MIR2052HG: variants seen among roughly 807,000 people sequenced by gnomAD.
MIR2052HG encodes the protein MIR2052 host gene.
intron 2 of MIR2052HG, among the ~76,000 whole-genome samples, chr8:74,616,628 A>G (rs1808285996): frequency 6.6e-6 from 1 of 152,046 alleles, no homozygotes; most frequent in Non-Finnish European, 1.5e-5. Context: ...ATAATCTGAC[A>G]GCAATTGTAT....
chr8:74,719,199 A>G (rs921478165), intron 4 of MIR2052HG, among the ~76,000 whole-genome samples: 2 of 151,696 alleles, frequency 1.3e-5, no homozygotes, highest in African/African-American at 2.4e-5. Context: ...CCTATCTGCT[A>G]TGTTCAGGGT....
At chr8:74,649,572 A>G (rs1401011161) in intron 2 of MIR2052HG, among the ~76,000 whole-genome samples, 1 of 152,032 alleles carries the variant, frequency 6.6e-6, no homozygotes, top group Non-Finnish European at 1.5e-5. Context: ...GTTCTTAGGC[A>G]CTCTGATTAT....
At chr8:74,632,753 C>T (rs1808531419) in intron 2 of MIR2052HG, among the ~76,000 whole-genome samples, 1 of 152,130 alleles carries the variant, frequency 6.6e-6, no homozygotes, top group Admixed American at 6.6e-5. Context: ...AGATAATTAT[C>T]ATGGGAACTG....
chr8:74,705,136 C>T (rs1177583769), intron 4 of MIR2052HG, among the ~76,000 whole-genome samples: 1 of 151,706 alleles, frequency 6.6e-6, no homozygotes. Context: ...TGATTGACTA[C>T]TGTTAATGTC....
intron 1 of MIR2052HG, among the ~76,000 whole-genome samples, chr8:74,610,689 G>C (rs575831447): frequency 6.6e-6 from 1 of 152,132 alleles, no homozygotes; most frequent in South Asian, 2.1e-4. Context: ...CACATGTACA[G>C]TTAATTGATT....
intron 2 of MIR2052HG, among the ~76,000 whole-genome samples, chr8:74,656,438 T>G (rs891305706): frequency 6.6e-6 from 1 of 152,154 alleles, no homozygotes; most frequent in African/African-American, 2.4e-5. Context: ...CAGTCTTTCC[T>G]GTACTATTCT....
intron 4 of MIR2052HG, among the ~76,000 whole-genome samples, chr8:74,732,814 A>T (rs1809705899): frequency 1.3e-5 from 2 of 152,138 alleles, no homozygotes; most frequent in African/African-American, 4.8e-5. Flanking sequence ...AGCCCATTCA[A>T]GGATACCTAA....
chr8:74,637,003 CATA>C (rs1554572927), intron 2 of MIR2052HG, among the ~76,000 whole-genome samples: 1 of 152,012 alleles, frequency 6.6e-6, no homozygotes, highest in Non-Finnish European at 1.5e-5. Context: ...ATAAAGAACT[CATA>C]ATATAATGGG....
At chr8:74,754,396 G>T (rs1437574730) in intron 5 of MIR2052HG, among the ~76,000 whole-genome samples, 1 of 152,160 alleles carries the variant, frequency 6.6e-6, no homozygotes, top group African/African-American at 2.4e-5. Flanking sequence ...AGAGTGTTAG[G>T]CACATTTGGT....
chr8:74,629,979 T>C (rs1056661650), intron 2 of MIR2052HG, among the ~76,000 whole-genome samples: 5 of 152,128 alleles, frequency 3.3e-5, no homozygotes, highest in Admixed American at 1.3e-4. Context: ...GTTGAATGGA[T>C]AAATATACTA....
intron 5 of MIR2052HG, among the ~76,000 whole-genome samples, chr8:74,756,098 C>T (rs563333174): frequency 2.0e-5 from 3 of 152,146 alleles, no homozygotes; most frequent in South Asian, 4.2e-4. Context: ...CGCTTCAGTT[C>T]AATAATTTGC....
intron 4 of MIR2052HG, among the ~76,000 whole-genome samples, chr8:74,705,055 T>A (rs1809396068): frequency 6.6e-6 from 1 of 151,732 alleles, no homozygotes; most frequent in South Asian, 2.1e-4. Context: ...TCTTTCTTTT[T>A]TTTTTTTCCA....
At chr8:74,728,001 A>G (rs1468226559) in intron 4 of MIR2052HG, among the ~76,000 whole-genome samples, 1 of 150,754 alleles carries the variant, frequency 6.6e-6, no homozygotes, top group African/African-American at 2.5e-5. Flanking sequence ...TGCTTCTTCT[A>G]TATCTGCTGT....
At chr8:74,616,136 G>T (rs960839910) in intron 2 of MIR2052HG, among the ~76,000 whole-genome samples, 10 of 152,032 alleles carry the variant, frequency 6.6e-5, no homozygotes, top group African/African-American at 2.4e-4. Context: ...CCAGTAATGG[G>T]ATGGCTGGGT....
intron 2 of MIR2052HG, among the ~76,000 whole-genome samples, chr8:74,646,923 G>A (rs1341338918): frequency 6.9e-6 from 1 of 144,582 alleles, no homozygotes; most frequent in Non-Finnish European, 1.6e-5. Context: ...GTGAAACCCT[G>A]TCTCAAATAA....
chr8:74,704,252 T>A (rs370295544), intron 4 of MIR2052HG, among the ~76,000 whole-genome samples: 1 of 152,058 alleles, frequency 6.6e-6, no homozygotes, highest in Non-Finnish European at 1.5e-5. Flanking sequence ...TCTATACTTC[T>A]TGGCAATGAG....
intron 2 of MIR2052HG, among the ~76,000 whole-genome samples, chr8:74,695,555 C>G (rs1183371545): frequency 6.6e-6 from 1 of 152,022 alleles, no homozygotes; most frequent in Admixed American, 6.6e-5. Flanking sequence ...TATCTTCTTT[C>G]TTCAAGAGAC....
chr8:74,711,154 T>G (rs1809464484), intron 4 of MIR2052HG, among the ~76,000 whole-genome samples: 1 of 152,196 alleles, frequency 6.6e-6, no homozygotes, highest in Non-Finnish European at 1.5e-5. Context: ...AAACTTTGCC[T>G]CCTCTGGAAG....
intron 1 of MIR2052HG, among the ~76,000 whole-genome samples, chr8:74,605,580 T>G (rs114555801): frequency 0.017 from 2,616 of 152,268 alleles, 80 homozygotes; most frequent in African/African-American, 0.06. Flanking sequence ...AGAAGACACT[T>G]GAAAGTAATG....
Sources: gnomAD v4.1 joint callset for allele counts (sites outside exome capture counted in the v4.1 genomes callset) on GRCh38, gnomAD v4.1.1 for gene constraint, MANE v1.5 for transcripts, NCBI Gene and HGNC (gene_info 2026-07-23, HGNC 2026-07-21) for gene names.